Variants in TNPO3 observed in about 807,000 individuals in gnomAD.
The protein encoded by TNPO3 is transportin-3.
A neutral mutation model predicts 122.8 loss-of-function variants in TNPO3; 65 were observed. That is an observed-to-expected ratio of 0.53 (90% confidence interval 0.43 to 0.65). TNPO3 has a LOEUF of 0.65. Among genes scored for constraint, TNPO3 ranks in the 30% least tolerant of loss-of-function variants. The probability of loss-of-function intolerance (pLI) is 0.00; values close to 1 mark genes in which losing one functional copy is unlikely to be tolerated. For synonymous variants in TNPO3, 372 were observed against 411.2 expected, an observed-to-expected ratio of 0.90 and a Z score of 1.15; for missense variants, 850 against 1,136.7, an observed-to-expected ratio of 0.75 and a Z score of 3.63.
intron 9 of TNPO3, among the ~76,000 whole-genome samples, chr7:128,993,029 T>C (rs1800914659): frequency 6.6e-6 from 1 of 151,988 alleles, no homozygotes; most frequent in African/African-American, 2.4e-5. Context: ...TCTTCATAGA[T>C]GGGTCAATAA....
chr7:129,005,205 T>G, intron 4 of TNPO3, 46 bp from the exon 5 acceptor site: 1 of 1,519,122 alleles, frequency 6.6e-7, no homozygotes, highest in Non-Finnish European at 9.0e-7. Flanking sequence ...AATCTATATA[T>G]TTAAACCATT....
chr7:129,025,055 T>C (rs539001567), intron 1 of TNPO3, among the ~76,000 whole-genome samples: 8 of 149,094 alleles, frequency 5.4e-5, no homozygotes, highest in Non-Finnish European at 1.0e-4. Context: ...AAATACATTA[T>C]ATAAAAAAAC....
In TNPO3 at chr7:129,005,109, A is replaced by G; in HGVS notation, c.603T>C (p.Val201=). 1 of 1,614,002 alleles carries G rather than the reference A, an allele frequency of 6.2e-7. No homozygotes were observed. The highest frequency in any genetic ancestry group is 8.5e-7 in the Non-Finnish European group (1 of 1,179,958). ...AGTDEKMLMK[V]FRCLGSWFNL... ...TAAACCAACTTCCCAAACAGCGAAAAACCTTCATAAGCATTTTCTCATCTG... is the reference window on the plus strand; with the variant it reads ...TAAACCAACTTCCCAAACAGCGAAAGACCTTCATAAGCATTTTCTCATCTG... The change falls in exon 5 of 23, where the codon GTT becomes GTC. Residue 201 remains valine, a synonymous_variant. Coordinates refer to ENST00000265388, the MANE Select transcript of TNPO3 (RefSeq NM_012470.4).
rs182945121 is a variant in TNPO3 at position 129,000,281 on chromosome 7, A to T, written c.1011+148T>A. On this transcript the variant is annotated intron_variant, in intron 7 of 22. Coordinates refer to ENST00000265388, the MANE Select transcript of TNPO3 (RefSeq NM_012470.4). ...CAGAAACCCAAATATAATTTTTTTA[A>T]AAAATTCCAAAACAGATGAAATCAC... The T allele has an allele frequency of 1.6e-3, 1,580 of 972,774 alleles. 18 individuals carry two copies. In the African/African-American group the frequency reaches 0.023, roughly 14 times the overall value. 60.3% of individuals were successfully genotyped at this position (972,774 alleles called of 1,614,324 possible).
chr7:128,970,981 G>A (rs12536266), intron 19 of TNPO3: 13,710 of 151,746 alleles, frequency 0.09, 859 homozygotes, highest in South Asian at 0.15. Flanking sequence ...GTGGGATCTC[G>A]CCTGTGAATG....
intron 14 of TNPO3, among the ~76,000 whole-genome samples, chr7:128,980,282 C>T (rs183908719): frequency 2.1e-3 from 314 of 152,294 alleles, no homozygotes; most frequent in Admixed American, 6.9e-3. Context: ...CTGTGAGGCA[C>T]TATGGCTATC....
In TNPO3 at chr7:129,000,532, C is replaced by T; in HGVS notation, c.908G>A (p.Cys303Tyr). ...AACAATTTTTTCAAGAAAAGTTTCACATAGTTCAGTGAAAATACGGCAGTA... is the reference window on the plus strand; with the variant it reads ...AACAATTTTTTCAAGAAAAGTTTCATATAGTTCAGTGAAAATACGGCAGTA... ...LNYCRIFTEL[C>Y]ETFLEKIVCT... is the part of the protein sequence containing the mutation. Residue 303 changes from cysteine (C) to tyrosine (Y), a missense_variant, in exon 7 of 23, where the codon TGT (cysteine) becomes TAT (tyrosine). Coordinates refer to ENST00000265388, the MANE Select transcript of TNPO3 (RefSeq NM_012470.4). The T allele has an allele frequency of 6.2e-7, 1 of 1,614,018 alleles. No homozygotes were observed. Among genetic ancestry groups the T allele is most frequent in the Non-Finnish European group, 8.5e-7 (1 of 1,179,956 alleles).
chr7:129,011,169 CGAA>C, intron 4 of TNPO3, among the ~76,000 whole-genome samples: 1 of 152,054 alleles, frequency 6.6e-6, no homozygotes, highest in East Asian at 1.9e-4. Context: ...CTAAAGGAAA[CGAA>C]GGAGAGGCAA....
chr7:128,991,313 T>C (rs1363191342), intron 10 of TNPO3, among the ~76,000 whole-genome samples: 1 of 152,202 alleles, frequency 6.6e-6, no homozygotes, highest in Non-Finnish European at 1.5e-5. Flanking sequence ...TTTATAAATA[T>C]CTGCCTTAAC....
At chr7:129,013,515 C>T (rs1005994568) in intron 4 of TNPO3, among the ~76,000 whole-genome samples, 19 of 151,344 alleles carry the variant, frequency 1.3e-4, no homozygotes, top group African/African-American at 3.4e-4. Context: ...GAAAAGGGAA[C>T]GCTCTGGAAT....
At chr7:128,990,680 C>T (rs542310512) in intron 10 of TNPO3, among the ~76,000 whole-genome samples, 63 of 152,264 alleles carry the variant, frequency 4.1e-4, no homozygotes, top group South Asian at 1.7e-3. Flanking sequence ...TAAGTTGCCC[C>T]GATTTGGAAC....
chr7:129,010,366 C>T (rs957538278), intron 4 of TNPO3, among the ~76,000 whole-genome samples: 3 of 151,982 alleles, frequency 2.0e-5, no homozygotes, highest in Non-Finnish European at 4.4e-5. Flanking sequence ...CAGGCTCTTG[C>T]TATGTTGCCC....
chr7:128,999,372 T>C (rs182733489), intron 7 of TNPO3, among the ~76,000 whole-genome samples: 2 of 152,314 alleles, frequency 1.3e-5, no homozygotes, highest in African/African-American at 4.8e-5. Context: ...AAAGGAGTGA[T>C]AACTGCGTGG....
chr7:128,971,784 C>A (rs73463025), intron 19 of TNPO3, among the ~76,000 whole-genome samples: 3,629 of 152,294 alleles, frequency 0.024, 74 homozygotes, highest in East Asian at 0.064. Flanking sequence ...AAAATTCTAC[C>A]TCTAATTCAT....
In TNPO3 at chr7:129,017,100, T is replaced by C. The variant is rs201443513; in HGVS notation, c.322-44A>G. 4.1e-5 allele frequency: 62 copies of C among 1,513,254 alleles called. No individual in the cohort carries two copies. In the Admixed American group the frequency reaches 1.0e-3, roughly 24 times the overall value. 93.7% of individuals were successfully genotyped at this position (1,513,254 alleles called of 1,614,324 possible). On this transcript the variant is annotated intron_variant, in intron 2 of 22. Coordinates refer to ENST00000265388, the MANE Select transcript of TNPO3 (RefSeq NM_012470.4). ...ATAAATGAAGACAGATGAACAGAAATAGGGTCACAATAAATATTAATTGGG... is the reference window on the plus strand; with the variant it reads ...ATAAATGAAGACAGATGAACAGAAACAGGGTCACAATAAATATTAATTGGG...
intron 1 of TNPO3, chr7:129,041,622 C>T (rs1044396771): frequency 2.0e-6 from 2 of 985,496 alleles, no homozygotes; most frequent in Non-Finnish European, 2.4e-6. Context: ...TTGGACTAAG[C>T]TCCACATTTC....
intron 12 of TNPO3, among the ~76,000 whole-genome samples, chr7:128,984,807 A>C (rs188720162): frequency 1.4e-4 from 21 of 152,292 alleles, no homozygotes; most frequent in Admixed American, 9.2e-4. Context: ...GTAACAGTTA[A>C]ATTTGCCTTT....
In TNPO3 at chr7:128,962,824, C is replaced by T. The variant is rs74615435; in HGVS notation, c.2711+4456G>A. Among the ~76,000 whole-genome samples the T allele has an allele frequency of 3.7e-5, 5 of 134,176 alleles. No homozygotes were observed. In the South Asian group the frequency reaches 7.4e-4, roughly 20 times the overall value. The allele number at this position is 134,176 out of a possible 152,430, so 88.0% of individuals were successfully genotyped here. Reference sequence around the variant, plus strand: ...GACAAAGATAACAGGTTTTTTTTTTCCCCCACAGCACTGCTTTACTTAGGT... The same window carrying T: ...GACAAAGATAACAGGTTTTTTTTTTTCCCCACAGCACTGCTTTACTTAGGT... On this transcript the variant is annotated intron_variant, in intron 21 of 22. Transcript: ENST00000265388.
intron 1 of TNPO3, among the ~76,000 whole-genome samples, chr7:129,043,026 T>G (rs1807579310): frequency 1.3e-5 from 2 of 152,134 alleles, no homozygotes. Flanking sequence ...CACAGCCATC[T>G]CCATAAGAGC....
Sources: gnomAD v4.1 joint callset for allele counts (sites outside exome capture counted in the v4.1 genomes callset) on GRCh38, gnomAD v4.1.1 for gene constraint, MANE v1.5 for transcripts, NCBI Gene and HGNC (gene_info 2026-07-23, HGNC 2026-07-21) for gene names.